NAV3: variants seen among roughly 807,000 people sequenced by gnomAD.
NAV3 encodes the protein neuron navigator 3, also known as pore membrane and/or filament interacting like protein 1.
In NAV3, 87 loss-of-function variants were observed where a neutral mutation model predicts 244.7. That is an observed-to-expected ratio of 0.36 (90% CI 0.30 to 0.42). The LOEUF (loss-of-function observed/expected upper bound fraction) is 0.42. Ranked by LOEUF, NAV3 falls within the 20% of genes least tolerant of loss-of-function variation. The probability of loss-of-function intolerance (pLI) is 1.00; values close to 1 mark genes in which losing one functional copy is unlikely to be tolerated. For synonymous variants in NAV3, 1,126 were observed against 1,042.2 expected, an observed-to-expected ratio of 1.08 and a Z score of -1.55; for missense variants, 2,663 against 2,893.3, an observed-to-expected ratio of 0.92 and a Z score of 1.83.
intron 13 of NAV3, 63 bp downstream of exon 13, chr12:78,116,967 TATTAG>T: frequency 1.3e-6 from 2 of 1,583,886 alleles, no homozygotes. Context: ...AATTACTTAA[TATTAG>T]ATTAAGGTAT....
At chr12:77,807,816 A>C (rs1415358124) in intron 2 of NAV3, among the ~76,000 whole-genome samples, 2 of 152,190 alleles carry the variant, frequency 1.3e-5, no homozygotes, top group Non-Finnish European at 2.9e-5. Context: ...TACACCAATC[A>C]AATGTAGATT....
chr12:77,696,453 A>G (rs756393681), intron 2 of NAV3, among the ~76,000 whole-genome samples: 4 of 152,110 alleles, frequency 2.6e-5, no homozygotes, highest in African/African-American at 7.2e-5. Context: ...AATTTTGCCA[A>G]TAACCATATG....
chr12:77,740,725 T>C (rs1868312958), intron 2 of NAV3, among the ~76,000 whole-genome samples: 2 of 152,084 alleles, frequency 1.3e-5, no homozygotes, highest in Non-Finnish European at 2.9e-5. Flanking sequence ...GGATAAGAAG[T>C]CTTTAACCAT....
At chr12:77,798,195 A>G (rs1402206117) in intron 2 of NAV3, among the ~76,000 whole-genome samples, 1 of 143,720 alleles carries the variant, frequency 7.0e-6, no homozygotes, top group African/African-American at 2.6e-5. Context: ...AACAGCAACA[A>G]CAACAACAAA....
At chr12:77,719,410 T>TG (rs1369956132) in intron 2 of NAV3, among the ~76,000 whole-genome samples, 4 of 152,082 alleles carry the variant, frequency 2.6e-5, no homozygotes, top group Non-Finnish European at 5.9e-5. Context: ...GAGTTTTTTT[T>TG]TTTTTGACAG....
chr12:77,884,014 G>A (rs1475345650), intron 1 of NAV3, among the ~76,000 whole-genome samples: 5 of 152,098 alleles, frequency 3.3e-5, no homozygotes, highest in Non-Finnish European at 5.9e-5. Flanking sequence ...CTCTTTGTGA[G>A]GTATAGCACC....
At chr12:77,858,022 G>T (rs1287077988) in intron 1 of NAV3, among the ~76,000 whole-genome samples, 2 of 151,938 alleles carry the variant, frequency 1.3e-5, no homozygotes, top group Non-Finnish European at 2.9e-5. Flanking sequence ...TATACTTTTT[G>T]CATTTGAGAC....
chr12:78,123,469 C>A (rs1955767747), intron 16 of NAV3, among the ~76,000 whole-genome samples: 1 of 152,038 alleles, frequency 6.6e-6, no homozygotes, highest in South Asian at 2.1e-4. Context: ...ACACTCTCTG[C>A]ATTACGCCAG....
intron 8 of NAV3, among the ~76,000 whole-genome samples, chr12:78,012,469 C>T (rs138467423): frequency 1.3e-5 from 2 of 152,184 alleles, no homozygotes; most frequent in East Asian, 1.9e-4. Flanking sequence ...CACCATGACC[C>T]TCCAGGTTCT....
chr12:78,105,122 G>A (rs986770189), intron 12 of NAV3, among the ~76,000 whole-genome samples: 2 of 152,000 alleles, frequency 1.3e-5, no homozygotes, highest in African/African-American at 4.8e-5. Flanking sequence ...GACAGTATGG[G>A]ATAAATGTGT....
At chr12:77,743,815 C>A (rs1440896700) in intron 2 of NAV3, among the ~76,000 whole-genome samples, 2 of 151,620 alleles carry the variant, frequency 1.3e-5, no homozygotes, top group Non-Finnish European at 3.0e-5. Context: ...ATGACCATAT[C>A]TCCATAATCA....
Position 78,211,932 on chromosome 12 carries a change from AAAAC to A in NAV3, c.*1421_*1424del, listed in dbSNP as rs751789692. On this transcript the variant is annotated 3_prime_UTR_variant, in exon 40 of 40. Coordinates refer to ENST00000397909, the MANE Select transcript of NAV3 (RefSeq NM_001024383.2). Reference sequence around the variant, plus strand: ...ATAATTTTTAAAACTTGCACAAATCAAAACAAACACAAACAAAATTGTATTTTAT... The same window carrying A: ...ATAATTTTTAAAACTTGCACAAATCAAAACACAAACAAAATTGTATTTTAT... The A allele has an allele frequency of 6.6e-6, 1 of 152,642 alleles. No homozygotes were observed. The highest frequency in any genetic ancestry group is 1.9e-4 in the East Asian group (1 of 5,196). 9.5% of individuals were successfully genotyped at this position (152,642 alleles called of 1,614,324 possible). A position where few individuals can be genotyped will look rare whatever the true frequency, so the allele number is the denominator to read the frequency against.
At chr12:77,702,325 C>T (rs1312923224) in intron 2 of NAV3, among the ~76,000 whole-genome samples, 3 of 151,940 alleles carry the variant, frequency 2.0e-5, no homozygotes. Flanking sequence ...TCTTTTTATT[C>T]TCTACCTTTC....
chr12:77,595,023 A>T (rs1253416481), intron 2 of NAV3, among the ~76,000 whole-genome samples: 2 of 152,178 alleles, frequency 1.3e-5, no homozygotes, highest in African/African-American at 2.4e-5. Flanking sequence ...TAAAAATAGA[A>T]TTATCATATG....
chr12:78,001,666 G>A (rs1209915481), intron 7 of NAV3, among the ~76,000 whole-genome samples: 1 of 152,110 alleles, frequency 6.6e-6, no homozygotes, highest in Admixed American at 6.6e-5. Context: ...TGAAAAAATA[G>A]TGTGCTCGTT....
At position 77,831,195 on chromosome 12, in the gene NAV3, CAGAG is replaced by C. The variant is rs71088342; in HGVS notation, c.-247_-244del. ...AGAGAGAGAGAGAGAGAGAGAGAGA[CAGAG>C]AGAGAGAGAGAGAGAGAGAAAGAGA... On this transcript the variant is annotated 5_prime_UTR_variant, in exon 1 of 40. Transcript: ENST00000397909. The C allele has an allele frequency of 5.7e-4, 82 of 145,122 alleles. 1 individual carries two copies. The highest frequency in any genetic ancestry group is 2.1e-3 in the South Asian group (13 of 6,164). 9.0% of individuals were successfully genotyped at this position (145,122 alleles called of 1,614,324 possible).
chr12:78,056,359 T>C (rs559199047), intron 11 of NAV3: 1 of 152,250 alleles, frequency 6.6e-6, no homozygotes, highest in South Asian at 2.1e-4. Context: ...AATTAAAACG[T>C]GAGAAGACAA....
chr12:77,598,439 A>G (rs1343841605), intron 2 of NAV3, among the ~76,000 whole-genome samples: 1 of 152,000 alleles, frequency 6.6e-6, no homozygotes, highest in Non-Finnish European at 1.5e-5. Flanking sequence ...ATTTTTTAGG[A>G]TACATTAGCG....
chr12:77,998,692 T>C (rs1463039292), intron 7 of NAV3, among the ~76,000 whole-genome samples: 3 of 152,230 alleles, frequency 2.0e-5, no homozygotes, highest in East Asian at 3.9e-4. Context: ...TAGTTAGTTA[T>C]ATATGCAAGT....
Sources: allele counts gnomAD v4.1 joint callset (sites outside exome capture counted in the v4.1 genomes callset), GRCh38; gene constraint gnomAD v4.1.1; transcripts MANE v1.5; gene names NCBI Gene and HGNC (gene_info 2026-07-23, HGNC 2026-07-21).